Variants in FRMD3 observed in about 807,000 individuals in gnomAD.
The protein encoded by FRMD3 is FERM domain containing 3.
FRMD3 carries 33 observed loss-of-function variants against 70.2 expected under a neutral mutation model. The ratio of observed to expected loss-of-function variants is 0.47; its 90% CI spans 0.36 to 0.63. The LOEUF (loss-of-function observed/expected upper bound fraction) is 0.63, where lower values mean the gene tolerates loss of function less well. FRMD3 is among the 20% of genes least tolerant of loss of function. The probability of loss-of-function intolerance (pLI) is 0.00; values close to 1 mark genes in which losing one functional copy is unlikely to be tolerated. For synonymous variants in FRMD3, 279 were observed against 255.9 expected (o/e 1.09, Z -0.86); for missense variants, 632 against 711.4 (o/e 0.89, Z 1.27).
chr9:83,462,791 T>G (rs571597844), intron 1 of FRMD3, among the ~76,000 whole-genome samples: 1 of 152,318 alleles, frequency 6.6e-6, no homozygotes, highest in South Asian at 2.1e-4. Flanking sequence ...GAAGACCACA[T>G]GTTTATTCAT....
intron 6 of FRMD3, among the ~76,000 whole-genome samples, chr9:83,330,069 A>T (rs1481796610): frequency 6.6e-6 from 1 of 152,152 alleles, no homozygotes; most frequent in Non-Finnish European, 1.5e-5. Context: ...GAGGGACAAA[A>T]AGAACAGAGG....
chr9:83,456,316 A>T (rs925672782), intron 1 of FRMD3, among the ~76,000 whole-genome samples: 2 of 152,124 alleles, frequency 1.3e-5, no homozygotes, highest in Non-Finnish European at 2.9e-5. Flanking sequence ...TATTTCGTTT[A>T]TGGAGAGGTT....
At chr9:83,254,429 G>T (rs1832595264) in intron 13 of FRMD3, among the ~76,000 whole-genome samples, 3 of 150,774 alleles carry the variant, frequency 2.0e-5, no homozygotes, top group African/African-American at 7.3e-5. Context: ...AAAACAAAAA[G>T]CTAGAAAGAT....
chr9:83,579,331 G>A, the FRMD3 span, among the ~76,000 whole-genome samples: 1 of 151,160 alleles, frequency 6.6e-6, no homozygotes, highest in Admixed American at 6.6e-5. Flanking sequence ...AAATTCATGT[G>A]GAACTACAAA....
chr9:83,569,058 A>T, the FRMD3 span, among the ~76,000 whole-genome samples: 1 of 152,178 alleles, frequency 6.6e-6, no homozygotes, highest in Non-Finnish European at 1.5e-5. Flanking sequence ...AAGGGATAGG[A>T]TTAACCCTTC....
chr9:83,261,680 C>T (rs1048099368), intron 13 of FRMD3, among the ~76,000 whole-genome samples: 1 of 152,182 alleles, frequency 6.6e-6, no homozygotes, highest in Non-Finnish European at 1.5e-5. Context: ...TACAGGTCAC[C>T]AGTGTCCCTT....
chr9:83,252,833 C>A (rs1832493729), intron 13 of FRMD3, among the ~76,000 whole-genome samples: 1 of 152,108 alleles, frequency 6.6e-6, no homozygotes, highest in African/African-American at 2.4e-5. Flanking sequence ...TATATATGCA[C>A]CCAATACAGG....
intron 1 of FRMD3, among the ~76,000 whole-genome samples, chr9:83,506,894 T>C (rs1201289945): frequency 2.6e-5 from 4 of 152,208 alleles, no homozygotes; most frequent in African/African-American, 9.6e-5. Flanking sequence ...TTTTTGTATT[T>C]TTAAACTTTT....
At chr9:83,577,249 G>C in the FRMD3 span, among the ~76,000 whole-genome samples, 5 of 151,772 alleles carry the variant, frequency 3.3e-5, no homozygotes, top group Admixed American at 1.3e-4. Context: ...GAAATATAAA[G>C]GACCCAGAGC....
In FRMD3 at chr9:83,248,064, A is replaced by G; in HGVS notation, c.1648T>C (p.Leu550=). 1 of 1,614,144 alleles carries G rather than the reference A, an allele frequency of 6.2e-7. No homozygotes were observed. The highest frequency in any genetic ancestry group is 1.7e-5 in the Admixed American group (1 of 60,014). Reference sequence around the variant, plus strand: ...AAGGAGAGATCAATACCTGACTCCAAAAGGAGGAGGAGCAGGGGAAATACA... The same window carrying G: ...AAGGAGAGATCAATACCTGACTCCAGAAGGAGGAGGAGCAGGGGAAATACA... ...LFVFPLLLLL[L]ESGIDLSFLC... is the part of the protein sequence containing the mutation. Residue 550 remains leucine, a synonymous_variant, in exon 14 of 14, where the codon TTG becomes CTG. Transcript: ENST00000304195.
chr9:83,455,738 A>G (rs779341530), intron 1 of FRMD3, among the ~76,000 whole-genome samples: 1 of 152,142 alleles, frequency 6.6e-6, no homozygotes, highest in Non-Finnish European at 1.5e-5. Context: ...AGAAACCTCA[A>G]CAATTTACCA....
chr9:83,438,680 G>GT lies in FRMD3; in HGVS notation c.148-48973dup, dbSNP rs564777455. 2.9e-4 allele frequency among the ~76,000 whole-genome samples: 44 copies of GT among 152,344 alleles called. 1 individual carries two copies. The South Asian group carries it at 7.9e-3, about 27-fold the overall frequency. On this transcript the variant is annotated intron_variant, in intron 1 of 13. Transcript: ENST00000304195. ...CTCCCAAAGTGCTGAGATTACAGGC[G>GT]TGAGCCACCGCATCCAGCAAAGAGA...
chr9:83,344,824 A>AGTGTGTGTGTGTGTGTGTGT (rs35538787), intron 4 of FRMD3, among the ~76,000 whole-genome samples: 5 of 144,082 alleles, frequency 3.5e-5, no homozygotes, highest in South Asian at 2.3e-4. Context: ...TGCATGTGTG[A>AGTGTGTGTGTGTGTGTGTGT]GTGTGTGTGT....
At chr9:83,351,793 C>T (rs1314777577) in intron 3 of FRMD3, among the ~76,000 whole-genome samples, 2 of 152,132 alleles carry the variant, frequency 1.3e-5, no homozygotes, top group Admixed American at 6.5e-5. Flanking sequence ...GTCTCAGGTT[C>T]GTTCCTATCC....
At chr9:83,507,737 T>TATATATA (rs1395414042) in intron 1 of FRMD3, among the ~76,000 whole-genome samples, 2 of 106,826 alleles carry the variant, frequency 1.9e-5, no homozygotes, top group Admixed American at 9.9e-5. Flanking sequence ...TATATATATA[T>TATATATA]ATCTTCTGGA....
chr9:83,293,275 T>C (rs1487125703), intron 12 of FRMD3, among the ~76,000 whole-genome samples: 1 of 152,182 alleles, frequency 6.6e-6, no homozygotes, highest in African/African-American at 2.4e-5. Context: ...TGGGATTTCT[T>C]CTGGTCATGG....
At chr9:83,552,131 A>C in the FRMD3 span, among the ~76,000 whole-genome samples, 2 of 152,044 alleles carry the variant, frequency 1.3e-5, no homozygotes, top group African/African-American at 4.8e-5. Context: ...TTTACTGTTA[A>C]CACTGCCTTA....
chr9:83,311,267 G>A (rs1456150262), intron 8 of FRMD3, among the ~76,000 whole-genome samples: 6 of 147,266 alleles, frequency 4.1e-5, no homozygotes, highest in Non-Finnish European at 7.4e-5. Context: ...GGACCAATGC[G>A]CCTGACTGAG....
At chr9:83,353,641 C>T (rs1237244725) in intron 3 of FRMD3, among the ~76,000 whole-genome samples, 1 of 152,216 alleles carries the variant, frequency 6.6e-6, no homozygotes, top group African/African-American at 2.4e-5. Context: ...CCCTTGGTCC[C>T]TCTGACAGAA....
Sources: allele counts gnomAD v4.1 joint callset (sites outside exome capture counted in the v4.1 genomes callset), GRCh38; gene constraint gnomAD v4.1.1; transcripts MANE v1.5; gene names NCBI Gene and HGNC (gene_info 2026-07-23, HGNC 2026-07-21).